The following GAS2 variants were observed in gnomAD, a reference collection of about 807,000 sequenced individuals.
The protein encoded by GAS2 is growth arrest-specific protein 2.
GAS2 carries 20 observed loss-of-function variants against 37.5 expected under a neutral mutation model. The ratio of observed to expected loss-of-function variants is 0.53; its 90% CI spans 0.37 to 0.77. GAS2 has a LOEUF of 0.77. GAS2 is among the 30% of genes least tolerant of loss of function. The probability of loss-of-function intolerance (pLI) is 0.00; values close to 1 mark genes in which losing one functional copy is unlikely to be tolerated. For synonymous variants in GAS2, 144 were observed against 132.2 expected, an observed-to-expected ratio of 1.09 and a Z score of -0.61; for missense variants, 336 against 373.4, an observed-to-expected ratio of 0.90 and a Z score of 0.82.
chr11:22,806,937 ATTC>A (rs1374554439), intron 7 of GAS2, among the ~76,000 whole-genome samples: 1 of 152,182 alleles, frequency 6.6e-6, no homozygotes, highest in African/African-American at 2.4e-5. Context: ...TGAAATCAAT[ATTC>A]TTCTTTGAAG....
intron 7 of GAS2, among the ~76,000 whole-genome samples, chr11:22,765,810 A>C (rs1439080122): frequency 1.3e-5 from 2 of 151,524 alleles, no homozygotes; most frequent in Non-Finnish European, 2.9e-5. Flanking sequence ...CCTGAGATTG[A>C]GTAATTATAA....
chr11:22,703,110 C>A (rs1036790365), intron 3 of GAS2, among the ~76,000 whole-genome samples: 10 of 152,278 alleles, frequency 6.6e-5, no homozygotes, highest in African/African-American at 2.4e-4. Context: ...TTCACACACA[C>A]ATGCACACAT....
At chr11:22,735,847 A>C (rs967706425) in intron 4 of GAS2, among the ~76,000 whole-genome samples, 4 of 151,766 alleles carry the variant, frequency 2.6e-5, no homozygotes, top group African/African-American at 9.7e-5. Context: ...GAAATGCATG[A>C]CATTGTATCA....
chr11:22,726,273 G>A lies in GAS2; in HGVS notation c.268-19G>A, dbSNP rs760527477. 9.5e-5 allele frequency: 151 copies of A among 1,582,858 alleles called. No homozygotes were observed. The highest frequency in any genetic ancestry group is 3.4e-4 in the Middle Eastern group (2 of 5,834). On this transcript the variant is annotated intron_variant, in intron 3 of 7. Transcript: ENST00000454584. ...AACTTTGACAGATTTCTCCTAGAAC[G>A]AATTTCTTTATTTTTCAGAATCTAC... is the stretch of plus-strand genomic sequence containing the variant.
In GAS2 at chr11:22,666,698, G is replaced by C. The variant is rs1848992216; in HGVS notation, c.-222G>C. ...GGAGAAAAAATCGTTTTCCCAAACA[G>C]CACTAAAAGGAGCCATCAGAGAAGT... On this transcript the variant is annotated 5_prime_UTR_variant, in exon 1 of 8. Transcript: ENST00000454584. 6.6e-6 allele frequency: 1 copy of C among 152,380 alleles called. No individual in the cohort carries two copies. Among genetic ancestry groups the C allele is most frequent in the South Asian group, 2.1e-4 (1 of 4,834 alleles). 9.4% of individuals were successfully genotyped at this position (152,380 alleles called of 1,614,324 possible).
chr11:22,760,236 C>T (rs908746606), intron 7 of GAS2, among the ~76,000 whole-genome samples: 6 of 152,036 alleles, frequency 3.9e-5, no homozygotes, highest in African/African-American at 1.4e-4. Context: ...CTGCCTTGGC[C>T]TCCCAAAGTG....
chr11:22,726,217 T>C, intron 3 of GAS2, 75 bp from the exon 4 acceptor site: 1 of 1,462,186 alleles, frequency 6.8e-7, no homozygotes, highest in South Asian at 1.3e-5. Context: ...AGCATTTTGT[T>C]GAAAACATGT....
chr11:22,692,318 A>G (rs1234513578), intron 3 of GAS2, among the ~76,000 whole-genome samples: 3 of 152,124 alleles, frequency 2.0e-5, no homozygotes, highest in Non-Finnish European at 2.9e-5. Flanking sequence ...AGTCTCAGTT[A>G]ATTTAGAAAG....
chr11:22,647,782 C>T (rs1848720283), intron 1 of GAS2, among the ~76,000 whole-genome samples: 1 of 151,796 alleles, frequency 6.6e-6, no homozygotes, highest in African/African-American at 2.4e-5. Flanking sequence ...TTGTTTTTTT[C>T]TTGTAAATTT....
At chr11:22,700,266 G>C (rs1850761980) in intron 3 of GAS2, among the ~76,000 whole-genome samples, 1 of 152,142 alleles carries the variant, frequency 6.6e-6, no homozygotes, top group African/African-American at 2.4e-5. Flanking sequence ...AATGCCCCAA[G>C]ATGGATATTT....
chr11:22,795,701 GGGATA>G (rs1856395048), intron 7 of GAS2, among the ~76,000 whole-genome samples: 2 of 152,104 alleles, frequency 1.3e-5, no homozygotes, highest in Admixed American at 6.6e-5. Flanking sequence ...TTAGGCTATT[GGGATA>G]GCTCTGTAGT....
At position 22,764,080 on chromosome 11, in the gene GAS2, G is replaced by A. The variant is rs556938248; in HGVS notation, c.723+8127G>A. The stretch of plus-strand genomic sequence containing the variant: ...TCTTAACCTATAGTCTCTAAGATAG[G>A]CATATGTTTTAGATAAATGCAATAT... On this transcript the variant is annotated intron_variant, in intron 7 of 7. Coordinates refer to ENST00000454584, the MANE Select transcript of GAS2 (RefSeq NM_001143830.3). Among the ~76,000 whole-genome samples the A allele has an allele frequency of 1.8e-4, 28 of 152,180 alleles. No individual in the cohort carries two copies. In the Middle Eastern group the frequency reaches 0.014, roughly 74 times the overall value.
At chr11:22,700,164 T>C (rs1850756772) in intron 3 of GAS2, among the ~76,000 whole-genome samples, 1 of 152,158 alleles carries the variant, frequency 6.6e-6, no homozygotes, top group Non-Finnish European at 1.5e-5. Context: ...GATCCTTGAG[T>C]ACATAGTTTA....
intron 7 of GAS2, among the ~76,000 whole-genome samples, chr11:22,770,756 G>A (rs1854937149): frequency 6.6e-6 from 1 of 152,186 alleles, no homozygotes; most frequent in South Asian, 2.1e-4. Flanking sequence ...ACTATGCAAT[G>A]AAACTTCACT....
chr11:22,796,723 T>C (rs1424835050), intron 7 of GAS2, among the ~76,000 whole-genome samples: 2 of 152,098 alleles, frequency 1.3e-5, no homozygotes, highest in Non-Finnish European at 2.9e-5. Flanking sequence ...ACCATTGTTG[T>C]GTATCATCAT....
At chr11:22,723,884 T>C (rs1852061769) in intron 3 of GAS2, among the ~76,000 whole-genome samples, 1 of 151,952 alleles carries the variant, frequency 6.6e-6, no homozygotes, top group Admixed American at 6.6e-5. Context: ...ACTTGCCTAC[T>C]ACTTTGATTT....
intron 5 of GAS2, among the ~76,000 whole-genome samples, chr11:22,748,679 T>C (rs1451230617): frequency 6.6e-6 from 1 of 152,078 alleles, no homozygotes; most frequent in South Asian, 2.1e-4. Context: ...TTTAAAGATG[T>C]TTATTTCTGG....
At chr11:22,695,313 C>A (rs984457292) in intron 3 of GAS2, among the ~76,000 whole-genome samples, 1 of 146,844 alleles carries the variant, frequency 6.8e-6, no homozygotes, top group Non-Finnish European at 1.5e-5. Context: ...GAGTGAGACT[C>A]CTTCTCAAAA....
intron 1 of GAS2, among the ~76,000 whole-genome samples, chr11:22,649,396 T>C (rs990490791): frequency 6.6e-6 from 1 of 152,084 alleles, no homozygotes; most frequent in Non-Finnish European, 1.5e-5. Flanking sequence ...GTTGTGTCTC[T>C]GCCCGGCTTT....
Sources: allele counts gnomAD v4.1 joint callset (sites outside exome capture counted in the v4.1 genomes callset), GRCh38; gene constraint gnomAD v4.1.1; transcripts MANE v1.5; gene names NCBI Gene and HGNC (gene_info 2026-07-23, HGNC 2026-07-21).